Variants in ZNF804B observed in about 807,000 individuals in gnomAD.
ZNF804B encodes zinc finger protein 804B, also known as zinc finger 804B.
Under a neutral mutation model 101.4 loss-of-function variants are expected in ZNF804B, and 80 were observed. That is an observed-to-expected ratio of 0.79 (90% confidence interval 0.66 to 0.95). The LOEUF (loss-of-function observed/expected upper bound fraction) is 0.95. ZNF804B is among the 40% of genes least tolerant of loss of function. ZNF804B has a pLI of 0.00. For missense variants in ZNF804B, 1,673 were observed against 1,561.9 expected (o/e 1.07, Z -1.20); for synonymous variants, 622 against 558.8 (o/e 1.11, Z -1.59).
intron 1 of ZNF804B, among the ~76,000 whole-genome samples, chr7:89,126,461 G>A (rs1790475216): frequency 6.6e-6 from 1 of 151,940 alleles, no homozygotes; most frequent in South Asian, 2.1e-4. Context: ...ACACATTGTG[G>A]AGTCTCTGCT....
intron 1 of ZNF804B, among the ~76,000 whole-genome samples, chr7:89,059,009 C>T (rs1584100643): frequency 6.6e-6 from 1 of 152,122 alleles, no homozygotes; most frequent in South Asian, 2.1e-4. Flanking sequence ...TGGTTCCTTT[C>T]AGGCTAAATA....
intron 1 of ZNF804B, among the ~76,000 whole-genome samples, chr7:89,194,941 A>G (rs1181184027): frequency 6.6e-6 from 1 of 152,146 alleles, no homozygotes; most frequent in Non-Finnish European, 1.5e-5. Flanking sequence ...CTTCCTACCC[A>G]TGAGCATGGA....
At chr7:88,763,354 A>G (rs1359456323) in intron 1 of ZNF804B, among the ~76,000 whole-genome samples, 1 of 152,158 alleles carries the variant, frequency 6.6e-6, no homozygotes, top group Non-Finnish European at 1.5e-5. Flanking sequence ...GTTTTTGCAG[A>G]TCAGTAAACT....
intron 2 of ZNF804B, among the ~76,000 whole-genome samples, chr7:89,289,603 T>C (rs143539963): frequency 3.9e-5 from 6 of 152,138 alleles, no homozygotes; most frequent in Middle Eastern, 3.4e-3. Flanking sequence ...TGCCCTGTCA[T>C]AGCAAAAAGC....
chr7:89,102,586 C>G (rs1273482827), intron 1 of ZNF804B, among the ~76,000 whole-genome samples: 1 of 151,896 alleles, frequency 6.6e-6, no homozygotes, highest in African/African-American at 2.4e-5. Flanking sequence ...CATATTAGTC[C>G]TTTGTCAGAG....
At chr7:88,992,221 A>C (rs1793858041) in intron 1 of ZNF804B, among the ~76,000 whole-genome samples, 2 of 152,128 alleles carry the variant, frequency 1.3e-5, no homozygotes, top group South Asian at 4.1e-4. Context: ...ATGTTGCTTT[A>C]AAGTCCTATT....
intron 1 of ZNF804B, among the ~76,000 whole-genome samples, chr7:89,089,622 G>T (rs967863275): frequency 2.0e-5 from 3 of 151,362 alleles, no homozygotes; most frequent in Non-Finnish European, 4.4e-5. Flanking sequence ...AATCACAAAA[G>T]CAGAAACAAC....
chr7:89,160,060 A>G (rs1791035842), intron 1 of ZNF804B, among the ~76,000 whole-genome samples: 1 of 152,188 alleles, frequency 6.6e-6, no homozygotes, highest in Non-Finnish European at 1.5e-5. Context: ...CTTAATCTTG[A>G]TAGACTTGAA....
rs181813123 is a variant in ZNF804B, at chr7:89,223,721, T to A, written c.249+5426T>A. On this transcript the variant is annotated intron_variant, in intron 2 of 3. Coordinates refer to ENST00000333190, the MANE Select transcript of ZNF804B (RefSeq NM_181646.5). ...AAGATATTTTCTTAAGTATTATTTG[T>A]AGAGAAAGGCAGCTCATCAATAACA... Among the ~76,000 whole-genome samples, 1,340 of 151,902 alleles carry A rather than the reference T, an allele frequency of 8.8e-3. 8 individuals carry two copies. The highest frequency in any genetic ancestry group is 0.014 in the Non-Finnish European group (974 of 67,810).
Position 89,338,175 on chromosome 7 carries a change from G to A in ZNF804B, c.*1143G>A, listed in dbSNP as rs990256811. 3.9e-5 allele frequency among the ~76,000 whole-genome samples: 6 copies of A among 151,992 alleles called. No homozygotes were observed. The highest frequency in any genetic ancestry group is 1.3e-4 in the Admixed American group (2 of 15,252). On this transcript the variant is annotated 3_prime_UTR_variant, in exon 4 of 4. Coordinates refer to ENST00000333190, the MANE Select transcript of ZNF804B (RefSeq NM_181646.5). ...TAGGTTTATTATTTTATGTTCTTAA[G>A]CATGAGTTTCAGAGAAAATCAAACT...
At position 89,254,622 on chromosome 7, in the gene ZNF804B, C is replaced by T. The variant is rs142669842; in HGVS notation, c.249+36327C>T. On this transcript the variant is annotated intron_variant, in intron 2 of 3. Coordinates refer to ENST00000333190, the MANE Select transcript of ZNF804B (RefSeq NM_181646.5). ...ATATAAAGGATGAAAACAGCCAGGACACTATTTATTTTTATTTTTATTTTT... is the reference window on the plus strand; with the variant it reads ...ATATAAAGGATGAAAACAGCCAGGATACTATTTATTTTTATTTTTATTTTT... Among the ~76,000 whole-genome samples the T allele has an allele frequency of 3.8e-3, 570 of 150,816 alleles. 3 individuals carry two copies. Among genetic ancestry groups the T allele is most frequent in the African/African-American group, 0.013 (548 of 40,966 alleles).
At chr7:88,807,873 G>A (rs1162982119) in intron 1 of ZNF804B, among the ~76,000 whole-genome samples, 4 of 152,052 alleles carry the variant, frequency 2.6e-5, no homozygotes, top group African/African-American at 9.7e-5. Flanking sequence ...CTAAATATAA[G>A]GCAGTAATTT....
At chr7:89,091,751 A>G (rs2116326366) in intron 1 of ZNF804B, among the ~76,000 whole-genome samples, 1 of 152,202 alleles carries the variant, frequency 6.6e-6, no homozygotes, top group South Asian at 2.1e-4. Context: ...TTTCTATGGC[A>G]CTTCATACTG....
chr7:89,044,368 A>T (rs1412428988), intron 1 of ZNF804B, among the ~76,000 whole-genome samples: 2 of 152,166 alleles, frequency 1.3e-5, no homozygotes, highest in Non-Finnish European at 2.9e-5. Context: ...ACATTTCTTT[A>T]TAGCAGCATG....
At chr7:89,008,292 G>T (rs982181408) in intron 1 of ZNF804B, among the ~76,000 whole-genome samples, 6 of 151,946 alleles carry the variant, frequency 3.9e-5, no homozygotes, top group Non-Finnish European at 7.4e-5. Context: ...AAACCAAACA[G>T]ATTCTTGAAG....
chr7:88,966,171 A>G (rs1487870117), intron 1 of ZNF804B, among the ~76,000 whole-genome samples: 1 of 151,618 alleles, frequency 6.6e-6, no homozygotes, highest in East Asian at 2.0e-4. Flanking sequence ...ATTATCATAT[A>G]ATAACTAGAA....
At position 89,123,873 on chromosome 7, in the gene ZNF804B, G is replaced by A. The variant is rs74393094; in HGVS notation, c.109-94282G>A. Among the ~76,000 whole-genome samples the A allele has an allele frequency of 1.3e-3, 195 of 152,214 alleles. 3 individuals carry two copies. The East Asian group carries it at 0.031, about 24-fold the overall frequency. The stretch of plus-strand genomic sequence containing the variant: ...TTTGTAAGGATTTATAAGACTCCAT[G>A]GAATATATTTATATAAGACTTTCAT... On this transcript the variant is annotated intron_variant, in intron 1 of 3. Transcript: ENST00000333190.
intron 1 of ZNF804B, among the ~76,000 whole-genome samples, chr7:89,214,470 T>C (rs894381207): frequency 1.3e-5 from 2 of 152,224 alleles, no homozygotes; most frequent in Admixed American, 1.3e-4. Flanking sequence ...TCCTTTCATA[T>C]ATGACACTTC....
intron 1 of ZNF804B, among the ~76,000 whole-genome samples, chr7:88,995,125 G>A (rs1793902655): frequency 6.6e-6 from 1 of 152,038 alleles, no homozygotes; most frequent in Admixed American, 6.6e-5. Context: ...CCATGGTTCT[G>A]TTCTCCCTGT....
Sources: gnomAD v4.1 joint callset for allele counts (sites outside exome capture counted in the v4.1 genomes callset) on GRCh38, gnomAD v4.1.1 for gene constraint, MANE v1.5 for transcripts, NCBI Gene and HGNC (gene_info 2026-07-23, HGNC 2026-07-21) for gene names.